Variants in FBXO34 observed in about 807,000 individuals in gnomAD.
FBXO34 encodes the protein F-box protein 34, also known as F-box only protein 34.
FBXO34 carries 12 observed loss-of-function variants against 24.5 expected under a neutral mutation model. That is an observed-to-expected ratio of 0.49 (90% CI 0.31 to 0.79). FBXO34 has a LOEUF of 0.79. FBXO34 is among the 30% of genes least tolerant of loss of function. The probability of loss-of-function intolerance (pLI) is 0.04; values close to 1 mark genes in which losing one functional copy is unlikely to be tolerated. For missense variants in FBXO34, 823 were observed against 857.7 expected (o/e 0.96, Z 0.51); for synonymous variants, 320 against 311.9 (o/e 1.03, Z -0.27).
the FBXO34 span, among the ~76,000 whole-genome samples, chr14:55,389,484 C>T: frequency 6.6e-6 from 1 of 152,136 alleles, no homozygotes; most frequent in Admixed American, 6.6e-5. Flanking sequence ...TTTATTAGGA[C>T]AAATGTTTTC....
chr14:55,437,932 T>G, the FBXO34 span, among the ~76,000 whole-genome samples: 11,215 of 152,244 alleles, frequency 0.074, 431 homozygotes, highest in Non-Finnish European at 0.088. Context: ...GTAAATCAAT[T>G]TATTTTCAGT....
At chr14:55,397,291 A>G in the FBXO34 span, 21 of 1,184,922 alleles carry the variant, frequency 1.8e-5, no homozygotes, top group South Asian at 2.6e-4. Flanking sequence ...CAATCCGTAT[A>G]TCTGCATACC....
chr14:55,298,821 A>G lies in FBXO34; in HGVS notation c.-11+27284A>G, dbSNP rs1882236460. The G allele has an allele frequency of 2.5e-6, 4 of 1,612,334 alleles. No homozygotes were observed. The African/African-American group carries it at 5.3e-5, about 21-fold the overall frequency. On this transcript the variant is annotated intron_variant, in intron 1 of 1. Transcript: ENST00000313833. ...CGCGGCCCTCCAGGCACTGAAGCGT[A>G]AGAAGAGGTATGAGAAGCAGCTGGC... is the stretch of plus-strand genomic sequence containing the variant.
chr14:55,301,081 C>A (rs1030956331), intron 1 of FBXO34, among the ~76,000 whole-genome samples: 19 of 152,282 alleles, frequency 1.2e-4, no homozygotes, highest in African/African-American at 4.6e-4. Context: ...TTCCTTGTTA[C>A]TACAGTGGAC....
chr14:55,340,183 G>A (rs902354181), intron 1 of FBXO34, among the ~76,000 whole-genome samples: 4 of 152,092 alleles, frequency 2.6e-5, no homozygotes, highest in African/African-American at 9.7e-5. Flanking sequence ...GTGCCACTGT[G>A]CCTGGCTTGC....
intron 1 of FBXO34, among the ~76,000 whole-genome samples, chr14:55,308,423 A>T (rs1882626851): frequency 6.6e-6 from 1 of 152,250 alleles, no homozygotes. Flanking sequence ...ATTTATTAAC[A>T]GCCTTGCCTC....
chr14:55,374,758 C>T (rs371976031), downstream of FBXO34, among the ~76,000 whole-genome samples: 269 of 152,276 alleles, frequency 1.8e-3, 2 homozygotes, highest in African/African-American at 6.0e-3. Flanking sequence ...ACTGGCCCAA[C>T]GCTATTGAAC....
At chr14:55,369,957 T>TAAC, downstream of FBXO34, 1 of 1,545,230 alleles carries the variant, frequency 6.5e-7, no homozygotes, top group Non-Finnish European at 8.7e-7. Flanking sequence ...CTCTTTAGGA[T>TAAC]AACAACCATT....
the FBXO34 span, chr14:55,395,357 G>GTTTA: frequency 2.9e-5 from 6 of 206,036 alleles, no homozygotes; most frequent in Non-Finnish European, 5.8e-5. Context: ...TAAATTTTTT[G>GTTTA]TTTGTTTGTT....
At chr14:55,369,281 A>ATATC (rs146474280), downstream of FBXO34, 16,291 of 185,956 alleles carry the variant, frequency 0.088, 2,202 homozygotes, top group African/African-American at 0.31. Context: ...ACACTGACCC[A>ATATC]TATCTGTGGG....
At chr14:55,411,928 C>T in the FBXO34 span, 12 of 1,059,058 alleles carry the variant, frequency 1.1e-5, no homozygotes, top group Non-Finnish European at 1.6e-5. Context: ...GCCGGCGAGC[C>T]CCCGGACCCC....
chr14:55,405,842 G>A, the FBXO34 span, among the ~76,000 whole-genome samples: 3 of 149,424 alleles, frequency 2.0e-5, no homozygotes, highest in South Asian at 4.3e-4. Flanking sequence ...CAGGGAACAC[G>A]CCTTCAGTTT....
chr14:55,273,245 T>C (rs1211985804), intron 1 of FBXO34, among the ~76,000 whole-genome samples: 2 of 152,166 alleles, frequency 1.3e-5, no homozygotes. Flanking sequence ...GATAAGATAC[T>C]GTCTCTCTGG....
At chr14:55,396,578 G>A in the FBXO34 span, among the ~76,000 whole-genome samples, 1 of 152,138 alleles carries the variant, frequency 6.6e-6, no homozygotes. Flanking sequence ...TTTCATCGGG[G>A]GTGTGAGACA....
chr14:55,380,167 G>A, the FBXO34 span, among the ~76,000 whole-genome samples: 2 of 152,250 alleles, frequency 1.3e-5, no homozygotes, highest in South Asian at 4.1e-4. Context: ...AGGATTGCCT[G>A]AAACTGTGAG....
At chr14:55,274,178 GAT>G (rs1881258625) in intron 1 of FBXO34, among the ~76,000 whole-genome samples, 1 of 152,194 alleles carries the variant, frequency 6.6e-6, no homozygotes, top group Non-Finnish European at 1.5e-5. Flanking sequence ...CTGATAAGGA[GAT>G]ACCTGCTATT....
At chr14:55,273,901 G>A (rs1881247986) in intron 1 of FBXO34, among the ~76,000 whole-genome samples, 1 of 152,172 alleles carries the variant, frequency 6.6e-6, no homozygotes, top group Admixed American at 6.5e-5. Context: ...CGCCTCCCGG[G>A]TTCAAGCGAT....
At chr14:55,354,131 A>T (rs557760084), downstream of FBXO34, among the ~76,000 whole-genome samples, 1 of 152,338 alleles carries the variant, frequency 6.6e-6, no homozygotes, top group South Asian at 2.1e-4. Flanking sequence ...TGCAGCCTCC[A>T]GGCTCATCAG....
intron 1 of FBXO34, among the ~76,000 whole-genome samples, chr14:55,298,054 A>G (rs535915889): frequency 6.6e-6 from 1 of 152,344 alleles, no homozygotes; most frequent in East Asian, 1.9e-4. Flanking sequence ...GTGGAGGAAC[A>G]TTGTTGAAAC....
Sources: allele counts gnomAD v4.1 joint callset (sites outside exome capture counted in the v4.1 genomes callset), GRCh38; gene constraint gnomAD v4.1.1; transcripts MANE v1.5; gene names NCBI Gene and HGNC (gene_info 2026-07-23, HGNC 2026-07-21).